The following NLGN1 variants were observed in gnomAD, a reference collection of about 807,000 sequenced individuals.
The protein encoded by NLGN1 is neuroligin 1, also known as neuroligin-1.
Under a neutral mutation model 65.5 loss-of-function variants are expected in NLGN1, and 12 were observed. That is an observed-to-expected ratio of 0.18 (90% CI 0.12 to 0.30). The LOEUF (loss-of-function observed/expected upper bound fraction) is 0.30. Ranked by LOEUF, NLGN1 falls within the 10% of genes least tolerant of loss-of-function variation. The probability of loss-of-function intolerance (pLI) is 1.00; values close to 1 mark genes in which losing one functional copy is unlikely to be tolerated. For synonymous variants in NLGN1, 350 were observed against 359.5 expected (o/e 0.97, Z 0.30); for missense variants, 750 against 1,007.1 (o/e 0.74, Z 3.46).
At chr3:173,424,069 G>A (rs1230583146) in intron 1 of NLGN1, among the ~76,000 whole-genome samples, 1 of 152,218 alleles carries the variant, frequency 6.6e-6, no homozygotes, top group East Asian at 1.9e-4. Flanking sequence ...CCATGTGGAA[G>A]CCACCAAGCT....
chr3:173,839,583 C>T (rs949003859), intron 4 of NLGN1, among the ~76,000 whole-genome samples: 8 of 152,066 alleles, frequency 5.3e-5, no homozygotes, highest in Admixed American at 2.6e-4. Context: ...CCATCACGCC[C>T]GGCTAATTTT....
chr3:173,490,947 A>G (rs1474287909), intron 2 of NLGN1, among the ~76,000 whole-genome samples: 3 of 151,024 alleles, frequency 2.0e-5, no homozygotes, highest in Non-Finnish European at 4.4e-5. Flanking sequence ...TTGATTTTGT[A>G]TCCTGAGACT....
intron 2 of NLGN1, among the ~76,000 whole-genome samples, chr3:173,562,577 A>G (rs1742928278): frequency 1.3e-5 from 2 of 151,900 alleles, no homozygotes. Context: ...AAAAAAAAAG[A>G]CAATAAGTAA....
chr3:173,438,187 G>GT (rs11387227), intron 2 of NLGN1, among the ~76,000 whole-genome samples: 26,157 of 151,812 alleles, frequency 0.17, 3,402 homozygotes, highest in African/African-American at 0.37. Context: ...TTTAATGGTG[G>GT]TTTTTTCCCC....
intron 4 of NLGN1, among the ~76,000 whole-genome samples, chr3:174,103,656 T>C (rs1713058676): frequency 6.6e-6 from 1 of 152,114 alleles, no homozygotes; most frequent in Non-Finnish European, 1.5e-5. Context: ...TTTGTTATGT[T>C]GCAGTGAACT....
At chr3:173,564,026 GC>G (rs1743217490) in intron 2 of NLGN1, among the ~76,000 whole-genome samples, 1 of 152,188 alleles carries the variant, frequency 6.6e-6, no homozygotes, top group African/African-American at 2.4e-5. Flanking sequence ...ACCTGATCTG[GC>G]CCTTACTACC....
intron 2 of NLGN1, among the ~76,000 whole-genome samples, chr3:173,522,203 A>T (rs115112613): frequency 6.6e-6 from 1 of 152,296 alleles, no homozygotes; most frequent in African/African-American, 2.4e-5. Context: ...CATGCGTTAT[A>T]CATTGATTCT....
chr3:174,050,042 A>C (rs546754896), intron 4 of NLGN1, among the ~76,000 whole-genome samples: 16 of 152,276 alleles, frequency 1.1e-4, no homozygotes, highest in Admixed American at 3.9e-4. Flanking sequence ...AAAAAAGTTT[A>C]AAATGAAAAT....
intron 4 of NLGN1, among the ~76,000 whole-genome samples, chr3:174,164,725 G>A (rs1488336929): frequency 1.3e-5 from 2 of 152,016 alleles, no homozygotes; most frequent in Admixed American, 1.3e-4. Flanking sequence ...TAAGTGTCTT[G>A]TTTTTGTACC....
chr3:173,451,322 G>T (rs1206579213), intron 2 of NLGN1, among the ~76,000 whole-genome samples: 1 of 152,188 alleles, frequency 6.6e-6, no homozygotes, highest in Non-Finnish European at 1.5e-5. Flanking sequence ...TACTGGAGGT[G>T]CACTCCAGAC....
At chr3:173,758,943 G>T (rs936386646) in intron 3 of NLGN1, among the ~76,000 whole-genome samples, 1 of 151,810 alleles carries the variant, frequency 6.6e-6, no homozygotes, top group Non-Finnish European at 1.5e-5. Context: ...GAGCCTTGTT[G>T]GTGCATGGGT....
intron 4 of NLGN1, among the ~76,000 whole-genome samples, chr3:174,225,710 G>A (rs921200609): frequency 1.4e-4 from 21 of 150,938 alleles, no homozygotes; most frequent in African/African-American, 4.6e-4. Flanking sequence ...CAGCCTGGGG[G>A]ACAGAGCGAG....
At chr3:173,480,972 C>A (rs1727185454) in intron 2 of NLGN1, among the ~76,000 whole-genome samples, 1 of 152,022 alleles carries the variant, frequency 6.6e-6, no homozygotes, top group South Asian at 2.1e-4. Context: ...GTCAGGTATT[C>A]TTCTAAATAC....
intron 2 of NLGN1, among the ~76,000 whole-genome samples, chr3:173,435,248 A>G (rs563669646): frequency 1.3e-5 from 2 of 152,310 alleles, no homozygotes; most frequent in East Asian, 1.9e-4. Flanking sequence ...ACTTTTAGCC[A>G]TACAATATGC....
At chr3:173,569,049 A>T (rs1156729800) in intron 2 of NLGN1, among the ~76,000 whole-genome samples, 1 of 152,200 alleles carries the variant, frequency 6.6e-6, no homozygotes, top group Admixed American at 6.5e-5. Context: ...ATGCTGTAGC[A>T]CAAGGGAAAT....
At chr3:173,824,019 G>T (rs558601525) in intron 4 of NLGN1, among the ~76,000 whole-genome samples, 58 of 152,082 alleles carry the variant, frequency 3.8e-4, no homozygotes, top group African/African-American at 1.4e-3. Flanking sequence ...AGGTTTGGAA[G>T]AGTGTTTCTA....
At chr3:174,200,677 CAAT>C (rs776271952) in intron 4 of NLGN1, among the ~76,000 whole-genome samples, 36 of 152,202 alleles carry the variant, frequency 2.4e-4, no homozygotes, top group Admixed American at 6.5e-4. Context: ...CATCACAAAG[CAAT>C]AATATTAACA....
exon 7 of NLGN1, chr3:174,281,322 CTATT>C (rs1264212178): frequency 6.5e-7 from 1 of 1,536,706 alleles, no homozygotes; most frequent in Admixed American, 1.8e-5. Flanking sequence ...GAGAAACAAA[CTATT>C]TTTTTTGATG....
intron 4 of NLGN1, among the ~76,000 whole-genome samples, chr3:173,826,502 C>G (rs1167647649): frequency 6.6e-6 from 1 of 152,094 alleles, no homozygotes; most frequent in Non-Finnish European, 1.5e-5. Context: ...CTCATTTGAT[C>G]ATAAGCAGAA....
Sources: gnomAD v4.1 joint callset for allele counts (sites outside exome capture counted in the v4.1 genomes callset) on GRCh38, gnomAD v4.1.1 for gene constraint, MANE v1.5 for transcripts, NCBI Gene and HGNC (gene_info 2026-07-23, HGNC 2026-07-21) for gene names.